The following KIAA1328 variants were observed in gnomAD, a reference collection of about 807,000 sequenced individuals.
KIAA1328 encodes protein hinderin.
A neutral mutation model predicts 68.1 loss-of-function variants in KIAA1328; 52 were observed. The observed-to-expected ratio is 0.76, with a 90% CI of 0.61 to 0.96. The LOEUF is 0.96. KIAA1328 is among the 40% of genes least tolerant of loss of function. The pLI, the probability that KIAA1328 is intolerant of heterozygous loss-of-function variation, is 0.00. For missense variants in KIAA1328, 641 were observed against 677.6 expected, an observed-to-expected ratio of 0.95 and a Z score of 0.60; for synonymous variants, 232 against 239.4, an observed-to-expected ratio of 0.97 and a Z score of 0.28.
At chr18:36,866,038 C>T (rs2047738684) in intron 4 of KIAA1328, among the ~76,000 whole-genome samples, 1 of 152,116 alleles carries the variant, frequency 6.6e-6, no homozygotes. Context: ...GAGTATATGT[C>T]CTCATCCTCC....
intron 6 of KIAA1328, among the ~76,000 whole-genome samples, chr18:36,987,195 T>G (rs1171614523): frequency 6.6e-5 from 4 of 60,578 alleles, no homozygotes; most frequent in Admixed American, 2.3e-4. Flanking sequence ...GGGACATGGA[T>G]GAAATTGGAA....
intron 7 of KIAA1328, among the ~76,000 whole-genome samples, chr18:37,139,553 T>C (rs2058722559): frequency 6.6e-6 from 1 of 152,120 alleles, no homozygotes; most frequent in Admixed American, 6.5e-5. Flanking sequence ...GCTACTTGAG[T>C]CACTTAGCAC....
intron 5 of KIAA1328, among the ~76,000 whole-genome samples, chr18:36,931,039 T>C (rs2050290445): frequency 6.6e-6 from 1 of 152,114 alleles, no homozygotes; most frequent in Admixed American, 6.5e-5. Context: ...TGTCATTCAG[T>C]ATATTCCTCC....
At chr18:36,940,304 C>T (rs1200781688) in intron 5 of KIAA1328, among the ~76,000 whole-genome samples, 3 of 152,152 alleles carry the variant, frequency 2.0e-5, no homozygotes, top group Non-Finnish European at 4.4e-5. Flanking sequence ...ATCTAGAGTG[C>T]GGCTCAGGAT....
rs568645574 is a variant in KIAA1328 at position 36,949,603 on chromosome 18, C to CG, written c.449-9705_449-9704insG. ...AAGTCTGTTTCTACCCAGCTCCCCC[C>CG]CCCCCACCCCCCGATCTTGATTTGC... On this transcript the variant is annotated intron_variant, in intron 5 of 9. Transcript: ENST00000280020. Among the ~76,000 whole-genome samples, 23 of 95,474 alleles carry CG rather than the reference C, an allele frequency of 2.4e-4. 1 individual carries two copies. The highest frequency in any genetic ancestry group is 1.4e-3 in the East Asian group (3 of 2,164). 62.6% of individuals were successfully genotyped at this position (95,474 alleles called of 152,430 possible). A position where few individuals can be genotyped will look rare whatever the true frequency, so the allele number is the denominator to read the frequency against.
chr18:37,105,060 CG>C (rs1177379791), intron 7 of KIAA1328, among the ~76,000 whole-genome samples: 9 of 152,104 alleles, frequency 5.9e-5, no homozygotes, highest in African/African-American at 2.2e-4. Context: ...AAGAATTGCT[CG>C]GGCAAAAAGA....
At chr18:36,880,550 G>T (rs890422521) in intron 4 of KIAA1328, among the ~76,000 whole-genome samples, 1 of 152,126 alleles carries the variant, frequency 6.6e-6, no homozygotes, top group Non-Finnish European at 1.5e-5. Context: ...TGGTCTGTAG[G>T]CATTTTATTT....
intron 6 of KIAA1328, among the ~76,000 whole-genome samples, chr18:37,045,525 T>C (rs931448230): frequency 1.3e-5 from 2 of 152,174 alleles, no homozygotes; most frequent in Non-Finnish European, 2.9e-5. Flanking sequence ...TCTGCAAGTT[T>C]CCGTCATCTC....
At chr18:37,187,283 C>T (rs529194034) in intron 9 of KIAA1328, among the ~76,000 whole-genome samples, 3 of 152,152 alleles carry the variant, frequency 2.0e-5, no homozygotes, top group East Asian at 1.9e-4. Flanking sequence ...TAATGTTGTA[C>T]GTGAGAGGCT....
intron 7 of KIAA1328, among the ~76,000 whole-genome samples, chr18:37,127,753 C>G (rs1470832196): frequency 3.3e-5 from 5 of 152,030 alleles, no homozygotes; most frequent in African/African-American, 1.2e-4. Flanking sequence ...TGTGGAAATA[C>G]AAAGGACTTT....
intron 7 of KIAA1328, among the ~76,000 whole-genome samples, chr18:37,069,213 G>T (rs1204800049): frequency 1.3e-5 from 2 of 149,954 alleles, no homozygotes; most frequent in Non-Finnish European, 1.5e-5. Context: ...TTTTTAAAAT[G>T]TTACTGAATT....
intron 7 of KIAA1328, among the ~76,000 whole-genome samples, chr18:37,099,997 G>A (rs943017634): frequency 1.1e-4 from 16 of 152,014 alleles, no homozygotes; most frequent in East Asian, 5.8e-4. Flanking sequence ...TTTCCTGAAT[G>A]CAGCACACTG....
intron 6 of KIAA1328, among the ~76,000 whole-genome samples, chr18:36,995,357 T>C: frequency 6.6e-6 from 1 of 152,300 alleles, no homozygotes; most frequent in East Asian, 1.9e-4. Flanking sequence ...CAGTCTATCA[T>C]TGATGGACAT....
chr18:36,848,611 G>T (rs1337186673), intron 4 of KIAA1328, among the ~76,000 whole-genome samples: 4 of 126,148 alleles, frequency 3.2e-5, no homozygotes, highest in Admixed American at 2.8e-4. Context: ...TTGAATGAAA[G>T]TGGTGAATGG....
chr18:37,162,639 T>C (rs1035079057), intron 8 of KIAA1328, among the ~76,000 whole-genome samples: 2 of 152,204 alleles, frequency 1.3e-5, no homozygotes, highest in Non-Finnish European at 2.9e-5. Flanking sequence ...CTAGCACTAA[T>C]CACCTAAGTT....
At chr18:37,143,226 A>T (rs1568460624) in intron 7 of KIAA1328, among the ~76,000 whole-genome samples, 1 of 152,124 alleles carries the variant, frequency 6.6e-6, no homozygotes, top group Non-Finnish European at 1.5e-5. Flanking sequence ...AAGTGCTGGG[A>T]TTACAGGTGT....
At chr18:37,025,262 G>A (rs142395537) in intron 6 of KIAA1328, among the ~76,000 whole-genome samples, 58 of 152,004 alleles carry the variant, frequency 3.8e-4, no homozygotes, top group Admixed American at 3.0e-3. Flanking sequence ...AGACTCCCAC[G>A]CAATAATAAT....
intron 6 of KIAA1328, among the ~76,000 whole-genome samples, chr18:36,968,776 A>T (rs1035567792): frequency 2.6e-5 from 4 of 152,118 alleles, no homozygotes; most frequent in African/African-American, 9.7e-5. Flanking sequence ...CACTGGACCA[A>T]ATGGATCTGA....
intron 7 of KIAA1328, among the ~76,000 whole-genome samples, chr18:37,091,033 C>G (rs1210005662): frequency 6.6e-6 from 1 of 152,082 alleles, no homozygotes; most frequent in Non-Finnish European, 1.5e-5. Context: ...TCTCTTGAAT[C>G]AATAAGATAA....
Sources: allele counts gnomAD v4.1 joint callset (sites outside exome capture counted in the v4.1 genomes callset), GRCh38; gene constraint gnomAD v4.1.1; transcripts MANE v1.5; gene names NCBI Gene and HGNC (gene_info 2026-07-23, HGNC 2026-07-21).